The following SPATA13 variants were observed in gnomAD, a reference collection of about 807,000 sequenced individuals.
SPATA13 encodes the protein spermatogenesis associated 13, also known as spermatogenesis-associated protein 13.
In SPATA13, 50 loss-of-function variants were observed where a neutral mutation model predicts 104.0. That is an observed-to-expected ratio of 0.48 (90% CI 0.38 to 0.61). The LOEUF is 0.61. Ranked by LOEUF, SPATA13 falls within the 20% of genes least tolerant of loss-of-function variation. The pLI, the probability that SPATA13 is intolerant of heterozygous loss-of-function variation, is 0.00. For missense variants in SPATA13, 1,524 were observed against 1,690.6 expected (o/e 0.90, Z 1.73); for synonymous variants, 606 against 667.5 (o/e 0.91, Z 1.42).
rs144723701 is a variant in SPATA13 at position 24,020,807 on chromosome 13, G to A, written c.-112+3106G>A. On this transcript the variant is annotated intron_variant, in intron 3 of 14. Transcript: ENST00000424834. ...GCCTATAATTCCAGCACTTTGGAAGGCTGAGGTGGGTGGATCACAAGGTCA... is the reference window on the plus strand; with the variant it reads ...GCCTATAATTCCAGCACTTTGGAAGACTGAGGTGGGTGGATCACAAGGTCA... Among the ~76,000 whole-genome samples, 487 of 152,282 alleles carry A rather than the reference G, an allele frequency of 3.2e-3. 6 individuals carry two copies. The highest frequency in any genetic ancestry group is 0.011 in the African/African-American group (466 of 41,564).
intron 1 of SPATA13, among the ~76,000 whole-genome samples, chr13:24,194,655 G>A (rs1223148283): frequency 6.6e-6 from 1 of 152,136 alleles, no homozygotes; most frequent in South Asian, 2.1e-4. Context: ...CTGGTCTGCC[G>A]CTTTCCACTG....
chr13:24,225,912 A>C (rs1466332392), intron 2 of SPATA13, among the ~76,000 whole-genome samples: 1 of 152,168 alleles, frequency 6.6e-6, no homozygotes, highest in Non-Finnish European at 1.5e-5. Context: ...GGCAGGTTCC[A>C]CATCCAGGAA....
Position 24,224,158 on chromosome 13 carries a change from T to C in SPATA13, c.1229T>C (p.Phe410Ser). 1 of 1,551,732 alleles carries C rather than the reference T, an allele frequency of 6.4e-7. No homozygotes were observed. Among genetic ancestry groups the C allele is most frequent in the Non-Finnish European group, 8.7e-7 (1 of 1,147,006 alleles). The change falls in exon 2 of 13, where the codon TTT (phenylalanine) becomes TCT (serine). Residue 410 changes from phenylalanine (F) to serine (S), a missense_variant. Phe to Ser is a radical substitution (Grantham distance 155). Around this residue, in one of 2 missense-constraint regions of SPATA13, gnomAD observed 1,089 missense variants for 1,135.9 expected, o/e 0.96. Transcript: ENST00000382108. ...CACCTAGACGCTGACACTGCCGTAT[T>C]TCCTCTTGAAACCAAAAGTTCCTGG... The part of the protein sequence containing the change: ...GPHLDADTAV[F>S]PLETKSSWAV...
At chr13:24,211,721 C>T (rs180964532) in intron 1 of SPATA13, among the ~76,000 whole-genome samples, 77 of 152,192 alleles carry the variant, frequency 5.1e-4, no homozygotes, top group African/African-American at 1.8e-3. Context: ...TTATCTCATC[C>T]GGTGGCACTG....
chr13:24,305,797 G>GTAGCT lies in SPATA13; in HGVS notation c.*3028_*3029insTTAGC, dbSNP rs1418613352. On this transcript the variant is annotated 3_prime_UTR_variant, in exon 13 of 13. Transcript: ENST00000382108. Reference sequence around the variant, plus strand: ...TCGACTTTGTTAGAAGATAATTGAAGTAGCCTTGGGTCAAAAGCAACCTTT... The same window carrying GTAGCT: ...TCGACTTTGTTAGAAGATAATTGAAGTAGCTTAGCCTTGGGTCAAAAGCAACCTTT... The GTAGCT allele has an allele frequency of 6.6e-6, 1 of 152,178 alleles. No homozygotes were observed. The highest frequency in any genetic ancestry group is 1.5e-5 in the Non-Finnish European group (1 of 68,040). The allele number at this position is 152,178 out of a possible 1,614,324, so 9.4% of individuals were successfully genotyped here.
chr13:24,161,062 G>C lies in SPATA13; in HGVS notation c.-112+130G>C. On this transcript the variant is annotated intron_variant, in intron 1 of 12. Coordinates refer to ENST00000382108, the MANE Select transcript of SPATA13 (RefSeq NM_001166271.3). This position sits in a 1 kb window ranked among gnomAD's most constrained non-coding sequence, Gnocchi z 4.5. ...GGGATGTCCAGCTCCCAGCTGCTTG[G>C]CCTCTGCTTCCCCCGCCGGTGGAGG... 1.9e-6 allele frequency: 1 copy of C among 527,006 alleles called. No homozygotes were observed. The highest frequency in any genetic ancestry group is 8.1e-5 in the South Asian group (1 of 12,386). The allele number at this position is 527,006 out of a possible 1,614,324, so 32.6% of individuals were successfully genotyped here.
intron 1 of SPATA13, among the ~76,000 whole-genome samples, chr13:24,173,915 T>C (rs1331939964): frequency 6.6e-6 from 1 of 152,214 alleles, no homozygotes; most frequent in African/African-American, 2.4e-5. Flanking sequence ...TGATACTGGT[T>C]TGTAGTTTTC....
rs148235705 is a variant in SPATA13, at chr13:24,163,718, TA to T, written c.-112+2790del. Among the ~76,000 whole-genome samples the T allele has an allele frequency of 5.5e-3, 833 of 152,252 alleles. 6 individuals are homozygous for T. The highest frequency in any genetic ancestry group is 0.017 in the African/African-American group (708 of 41,530). On this transcript the variant is annotated intron_variant, in intron 1 of 12. Coordinates refer to ENST00000382108, the MANE Select transcript of SPATA13 (RefSeq NM_001166271.3). Reference sequence around the variant, plus strand: ...ATGAGGAAACCGTGGTCCAGGGAAATAAAATGGCATATTCAAGGGAAAGCAG... The same window carrying T: ...ATGAGGAAACCGTGGTCCAGGGAAATAAATGGCATATTCAAGGGAAAGCAG...
chr13:24,278,873 T>C (rs9580911), intron 4 of SPATA13: 67,691 of 1,112,454 alleles, frequency 0.061, 3,961 homozygotes, highest in Middle Eastern at 0.077. Flanking sequence ...GCTGTTTTTC[T>C]TTCCTTCCTT....
At chr13:24,136,006 G>C (rs4770602) in intron 3 of SPATA13, among the ~76,000 whole-genome samples, 80,935 of 152,014 alleles carry the variant, frequency 0.53, 21,845 homozygotes, top group Admixed American at 0.61. Flanking sequence ...ACTTTCCTGA[G>C]CAGAATTAAG....
At chr13:24,181,482 TC>T (rs1868803010) in intron 1 of SPATA13, among the ~76,000 whole-genome samples, 1 of 152,066 alleles carries the variant, frequency 6.6e-6, no homozygotes, top group African/African-American at 2.4e-5. Context: ...TATTCCATAA[TC>T]TTTTTTTTAT....
chr13:24,074,211 T>C (rs1223726394), intron 3 of SPATA13, among the ~76,000 whole-genome samples: 2 of 152,198 alleles, frequency 1.3e-5, no homozygotes, highest in African/African-American at 4.8e-5. Context: ...ATCCTTCTAC[T>C]TCCTGTCTCT....
intron 4 of SPATA13, chr13:24,278,971 T>C: frequency 7.8e-6 from 1 of 128,346 alleles, no homozygotes. Context: ...CTTCCCTCCT[T>C]CCCTCCCTCC....
chr13:24,274,138 A>G (rs1431774080), intron 4 of SPATA13, among the ~76,000 whole-genome samples: 1 of 152,168 alleles, frequency 6.6e-6, no homozygotes, highest in African/African-American at 2.4e-5. Flanking sequence ...ACATTGGCTA[A>G]CGCAGAGGTT....
At chr13:23,983,287 G>T (rs902055295) in intron 1 of SPATA13, among the ~76,000 whole-genome samples, 1 of 152,086 alleles carries the variant, frequency 6.6e-6, no homozygotes, top group Non-Finnish European at 1.5e-5. Context: ...TTCTTACTGC[G>T]TCTTCACGTG....
At chr13:24,175,308 A>G (rs1883170871) in intron 1 of SPATA13, among the ~76,000 whole-genome samples, 1 of 152,094 alleles carries the variant, frequency 6.6e-6, no homozygotes, top group Admixed American at 6.6e-5. Context: ...TGAAGTTTGG[A>G]TAGCAGATAA....
chr13:24,011,981 C>T lies in SPATA13; in HGVS notation c.-146-5686C>T, dbSNP rs1013507574. Among the ~76,000 whole-genome samples the T allele has an allele frequency of 3.9e-5, 6 of 152,214 alleles. No homozygotes were observed. The highest frequency in any genetic ancestry group is 2.1e-4 in the South Asian group (1 of 4,832). ...ATTGTAAAACTCACAGGCACAGGGA[C>T]CGGGGCTTGCCCACCACCCTAAACA... On this transcript the variant is annotated intron_variant, in intron 2 of 14. Coordinates refer to the SPATA13 transcript ENST00000424834. The surrounding 1 kb of genome is among the most constrained non-coding windows in gnomAD (Gnocchi z 4.3).
chr13:24,261,836 G>T (rs928309918), intron 4 of SPATA13, among the ~76,000 whole-genome samples: 1 of 152,084 alleles, frequency 6.6e-6, no homozygotes, highest in Non-Finnish European at 1.5e-5. Flanking sequence ...ATGGGAGGAT[G>T]TTGGGGGAGT....
At chr13:24,150,430 A>C (rs975777473) in intron 3 of SPATA13, among the ~76,000 whole-genome samples, 1 of 152,164 alleles carries the variant, frequency 6.6e-6, no homozygotes, top group Admixed American at 6.5e-5. Flanking sequence ...CTCTGGGGAG[A>C]CCTGGTTCAG....
Sources: allele counts gnomAD v4.1 joint callset (sites outside exome capture counted in the v4.1 genomes callset), GRCh38; gene constraint gnomAD v4.1.1; regional missense constraint gnomAD v4.1.1; non-coding constraint Gnocchi (gnomAD v3.1); transcripts MANE v1.5; gene names NCBI Gene and HGNC (gene_info 2026-07-23, HGNC 2026-07-21).